The following PMEPA1 variants were observed in gnomAD, a reference collection of about 807,000 sequenced individuals.
PMEPA1 encodes prostate transmembrane protein, androgen induced 1, also known as protein TMEPAI.
In PMEPA1, 11 loss-of-function variants were observed where a neutral mutation model predicts 23.0. The observed-to-expected ratio is 0.48, with a 90% CI of 0.30 to 0.79. PMEPA1 has a LOEUF of 0.79. PMEPA1 is among the 30% of genes least tolerant of loss of function. The pLI is 0.06. For missense variants in PMEPA1, 377 were observed against 390.9 expected (o/e 0.96, Z 0.30); for synonymous variants, 204 against 166.4 (o/e 1.23, Z -1.74).
intron 1 of PMEPA1, among the ~76,000 whole-genome samples, chr20:57,674,965 C>A (rs2071616910): frequency 6.6e-6 from 1 of 152,214 alleles, no homozygotes; most frequent in Admixed American, 6.5e-5. Context: ...TCTTCTAAAG[C>A]CGTTCTGACC....
chr20:57,683,562 T>TGTGC lies in PMEPA1; in HGVS notation c.110-23866_110-23865insGCAC, dbSNP rs113670927. On this transcript the variant is annotated intron_variant, in intron 1 of 3. Coordinates refer to ENST00000341744, the MANE Select transcript of PMEPA1 (RefSeq NM_020182.5). This position sits in a 1 kb window ranked among gnomAD's most constrained non-coding sequence, Gnocchi z 4.3. ...GTGTTCTGGCCTGTGTGCGTGTGTG[T>TGTGC]GTGTGTGTGTGTGTGTGTGTGTTTC... Among the ~76,000 whole-genome samples the TGTGC allele has an allele frequency of 0.12, 15,607 of 131,158 alleles. 1,582 individuals carry two copies. The highest frequency in any genetic ancestry group is 0.49 in the East Asian group (2,444 of 4,942). The allele number at this position is 131,158 out of a possible 152,430, so 86.0% of individuals were successfully genotyped here. A position where few individuals can be genotyped will look rare whatever the true frequency, so the allele number is the denominator to read the frequency against.
intron 1 of PMEPA1, among the ~76,000 whole-genome samples, chr20:57,671,269 T>A (rs1188549426): frequency 2.6e-5 from 4 of 152,198 alleles, no homozygotes; most frequent in Admixed American, 6.5e-5. Context: ...TCAGTGGACA[T>A]GTCGGAGGTG....
chr20:57,704,574 G>A lies in PMEPA1; in HGVS notation c.109+4900C>T, dbSNP rs959118775. On this transcript the variant is annotated intron_variant, in intron 1 of 3. Transcript: ENST00000341744. This position sits in a 1 kb window ranked among gnomAD's most constrained non-coding sequence, Gnocchi z 4.6. ...CACCGTGTAAGAGTTCCTTCTCTTT[G>A]GGCAGGATCCCAGACACCGAGGTGC... Among the ~76,000 whole-genome samples the A allele has an allele frequency of 6.6e-6, 1 of 152,202 alleles. No individual in the cohort carries two copies. Among genetic ancestry groups the A allele is most frequent in the African/African-American group, 2.4e-5 (1 of 41,432 alleles).
At chr20:57,700,765 C>T (rs1437243487) in intron 1 of PMEPA1, among the ~76,000 whole-genome samples, 1 of 152,180 alleles carries the variant, frequency 6.6e-6, no homozygotes, top group African/African-American at 2.4e-5. Context: ...TGGTAGCTCA[C>T]ACCTGTAATC....
intron 1 of PMEPA1, among the ~76,000 whole-genome samples, chr20:57,661,747 G>A (rs1300190828): frequency 1.2e-4 from 18 of 152,308 alleles, no homozygotes; most frequent in Admixed American, 1.1e-3. Flanking sequence ...CCTGCCACCA[G>A]CCTCGCTCTC....
chr20:57,707,862 G>C (rs1272384152), intron 1 of PMEPA1, among the ~76,000 whole-genome samples: 1 of 152,184 alleles, frequency 6.6e-6, no homozygotes, highest in Non-Finnish European at 1.5e-5. Context: ...GTGTGCGAAC[G>C]TATTTTAATA....
intron 1 of PMEPA1, among the ~76,000 whole-genome samples, chr20:57,689,441 C>T (rs1273975026): frequency 1.3e-5 from 2 of 152,174 alleles, no homozygotes; most frequent in African/African-American, 2.4e-5. Flanking sequence ...TGAGGGGTGA[C>T]TCTGGCCTGG....
intron 1 of PMEPA1, among the ~76,000 whole-genome samples, chr20:57,669,988 G>A (rs1168978865): frequency 6.6e-6 from 1 of 152,194 alleles, no homozygotes; most frequent in Non-Finnish European, 1.5e-5. Context: ...GGGCTGACAA[G>A]GGCTGCTGCG....
intron 1 of PMEPA1, among the ~76,000 whole-genome samples, chr20:57,663,679 G>A (rs1250526213): frequency 3.3e-5 from 5 of 152,230 alleles, no homozygotes; most frequent in African/African-American, 7.2e-5. Context: ...CACGGAGTGC[G>A]GGGCAGAGTG....
intron 1 of PMEPA1, among the ~76,000 whole-genome samples, chr20:57,674,011 T>A (rs968863121): frequency 1.3e-5 from 2 of 152,144 alleles, no homozygotes; most frequent in Non-Finnish European, 2.9e-5. Context: ...TTGTTGCTAA[T>A]AGTAACATTA....
chr20:57,672,121 A>G (rs1305987405), intron 1 of PMEPA1, among the ~76,000 whole-genome samples: 1 of 152,248 alleles, frequency 6.6e-6, no homozygotes, highest in Non-Finnish European at 1.5e-5. Flanking sequence ...TGTATTCGTA[A>G]ATTGTTTGCA....
At position 57,683,548 on chromosome 20, in the gene PMEPA1, T is replaced by TGTGTGTGTGTGC. The variant is rs1555882166; in HGVS notation, c.110-23852_110-23851insGCACACACACAC. On this transcript the variant is annotated intron_variant, in intron 1 of 3. Coordinates refer to ENST00000341744, the MANE Select transcript of PMEPA1 (RefSeq NM_020182.5). The surrounding 1 kb of genome is among the most constrained non-coding windows in gnomAD (Gnocchi z 4.3). ...CTAACTCGGTGGTGGTGTTCTGGCC[T>TGTGTGTGTGTGC]GTGTGCGTGTGTGTGTGTGTGTGTG... is the stretch of plus-strand genomic sequence containing the variant. Among the ~76,000 whole-genome samples the TGTGTGTGTGTGC allele has an allele frequency of 1.7e-4, 10 of 59,684 alleles. No homozygotes were observed. Among genetic ancestry groups the TGTGTGTGTGTGC allele is most frequent in the African/African-American group, 2.0e-4 (2 of 9,872 alleles). The allele number at this position is 59,684 out of a possible 152,430, so 39.2% of individuals were successfully genotyped here.
intron 1 of PMEPA1, among the ~76,000 whole-genome samples, chr20:57,671,645 C>T (rs1177897828): frequency 6.6e-6 from 1 of 152,174 alleles, no homozygotes; most frequent in East Asian, 1.9e-4. Context: ...TGCCACCAAA[C>T]ACACCTTGGT....
chr20:57,695,602 G>A (rs1009103176), intron 1 of PMEPA1, among the ~76,000 whole-genome samples: 1 of 152,172 alleles, frequency 6.6e-6, no homozygotes, highest in Non-Finnish European at 1.5e-5. Context: ...AGACCAGTCT[G>A]GCCAACATGG....
chr20:57,660,799 A>T (rs2071407502), intron 1 of PMEPA1, among the ~76,000 whole-genome samples: 2 of 149,108 alleles, frequency 1.3e-5, no homozygotes, highest in Non-Finnish European at 3.0e-5. Flanking sequence ...CACACACGTC[A>T]ACAACACTAC....
At position 57,652,060 on chromosome 20, in the gene PMEPA1, G is replaced by T; in HGVS notation, c.857C>A (p.Pro286His). 1 of 1,498,320 alleles carries T rather than the reference G, an allele frequency of 6.7e-7. No individual in the cohort carries two copies. The highest frequency in any genetic ancestry group is 8.9e-7 in the Non-Finnish European group (1 of 1,118,466). The allele number at this position is 1,498,320 out of a possible 1,614,324, so 92.8% of individuals were successfully genotyped here. The change falls in exon 4 of 4, where the codon CCT becomes CAT. Residue 286 changes from proline (P) to histidine (H), a missense_variant. By Grantham distance (77) the Pro-to-His change is moderately conservative. Coordinates refer to ENST00000341744, the MANE Select transcript of PMEPA1 (RefSeq NM_020182.5). The surrounding 1 kb of genome is among the most constrained non-coding windows in gnomAD (Gnocchi z 6.1). Reference protein sequence around the residue: ...SKEKDKQKGHPL With the variant: ...SKEKDKQKGHHL ...CCGGCCCCCCTGGGGACCCTAGAGA[G>T]GGTGTCCTTTCTGTTTATCCTTCTC...
At chr20:57,665,440 T>C (rs990846003) in intron 1 of PMEPA1, among the ~76,000 whole-genome samples, 6 of 151,368 alleles carry the variant, frequency 4.0e-5, no homozygotes, top group African/African-American at 1.5e-4. Flanking sequence ...GGTCCAGTCC[T>C]CGTGCATCCA....
At chr20:57,709,450 G>A (rs2072134509) in intron 1 of PMEPA1, 24 bp downstream of exon 1, 3 of 1,097,964 alleles carry the variant, frequency 2.7e-6, no homozygotes, top group South Asian at 6.7e-5. Context: ...GAGTCTCCGG[G>A]GAGGGGGGCG....
rs944959623 is a variant in PMEPA1 at position 57,682,120 on chromosome 20, C to G, written c.110-22423G>C. ...CATCTCCAGTGGCACAGGGAAGGAG[C>G]TCACCTACTGGATAAATGAACAGAA... On this transcript the variant is annotated intron_variant, in intron 1 of 3. Coordinates refer to ENST00000341744, the MANE Select transcript of PMEPA1 (RefSeq NM_020182.5). This position sits in a 1 kb window ranked among gnomAD's most constrained non-coding sequence, Gnocchi z 4.4. Among the ~76,000 whole-genome samples, 5 of 152,248 alleles carry G rather than the reference C, an allele frequency of 3.3e-5. No homozygotes were observed. Among genetic ancestry groups the G allele is most frequent in the Non-Finnish European group, 7.3e-5 (5 of 68,054 alleles).
Sources: gnomAD v4.1 joint callset for allele counts (sites outside exome capture counted in the v4.1 genomes callset) on GRCh38, gnomAD v4.1.1 for gene constraint, Gnocchi (gnomAD v3.1) non-coding constraint, MANE v1.5 for transcripts, NCBI Gene and HGNC (gene_info 2026-07-23, HGNC 2026-07-21) for gene names.